The following ITGBL1 variants were observed in gnomAD, a reference collection of about 807,000 sequenced individuals.
ITGBL1 encodes the protein integrin subunit beta like 1.
In ITGBL1, 51 loss-of-function variants were observed where a neutral mutation model predicts 68.5. The observed-to-expected ratio is 0.74, with a 90% CI of 0.59 to 0.94. The LOEUF (loss-of-function observed/expected upper bound fraction) is 0.94, where lower values mean the gene tolerates loss of function less well. ITGBL1 is among the 40% of genes least tolerant of loss of function. The pLI is 0.00. For missense variants in ITGBL1, 649 were observed against 647.4 expected (o/e 1.00, Z -0.03); for synonymous variants, 209 against 227.3 (o/e 0.92, Z 0.72).
chr13:101,470,175 C>T (rs1187891124), intron 2 of ITGBL1, among the ~76,000 whole-genome samples: 3 of 152,116 alleles, frequency 2.0e-5, no homozygotes, highest in African/African-American at 4.8e-5. Context: ...CAGTTGACTG[C>T]AAAACGAAAT....
intron 6 of ITGBL1, among the ~76,000 whole-genome samples, chr13:101,586,715 G>T (rs2050563373): frequency 6.6e-6 from 1 of 152,146 alleles, no homozygotes; most frequent in Admixed American, 6.5e-5. Context: ...AGGAAGAACT[G>T]TCCTCTGGGT....
rs780623064 is a variant in ITGBL1 at position 101,692,627 on chromosome 13, A to T, written c.1058A>T (p.Asp353Val). 2 of 1,613,874 alleles carry T rather than the reference A, an allele frequency of 1.2e-6. No individual in the cohort carries two copies. The highest frequency in any genetic ancestry group is 1.7e-6 in the Non-Finnish European group (2 of 1,179,846). The change falls in exon 8 of 11, where the codon GAT becomes GTT. Residue 353 changes from aspartate to valine, a missense_variant. Physicochemically the swap from Asp to Val is radical, Grantham distance 152. Transcript: ENST00000376180. ...CGKCTCYPPG[D>V]RRVYGKTCEC... ...AAATGCACCTGCTATCCTCCAGGAGATCGCCGGGTGTATGGCAAGACTTGT... is the reference window on the plus strand; with the variant it reads ...AAATGCACCTGCTATCCTCCAGGAGTTCGCCGGGTGTATGGCAAGACTTGT...
At chr13:101,607,738 A>T (rs557440278) in intron 7 of ITGBL1, among the ~76,000 whole-genome samples, 1 of 152,188 alleles carries the variant, frequency 6.6e-6, no homozygotes, top group Admixed American at 6.6e-5. Context: ...CACTAGTGAC[A>T]ATTTAAATTA....
intron 2 of ITGBL1, among the ~76,000 whole-genome samples, chr13:101,502,804 T>A (rs544197289): frequency 1.3e-5 from 2 of 152,296 alleles, no homozygotes. Flanking sequence ...TAAATTCTCA[T>A]GTGCCTCGTT....
intron 7 of ITGBL1, among the ~76,000 whole-genome samples, chr13:101,684,411 T>A (rs1480702864): frequency 6.6e-6 from 1 of 151,962 alleles, no homozygotes; most frequent in Non-Finnish European, 1.5e-5. Context: ...TTGGTTGTAG[T>A]TACATCGAAT....
intron 9 of ITGBL1, chr13:101,712,495 G>A (rs1052137446): frequency 6.6e-6 from 1 of 152,136 alleles, no homozygotes; most frequent in Non-Finnish European, 1.5e-5. Flanking sequence ...GTTTGAAGAT[G>A]AAATATAAGA....
intron 2 of ITGBL1, among the ~76,000 whole-genome samples, chr13:101,504,665 C>T (rs556441870): frequency 1.6e-3 from 237 of 152,228 alleles, no homozygotes; most frequent in Non-Finnish European, 2.9e-3. Flanking sequence ...AAGTCAGAAA[C>T]GTTGCATGAG....
chr13:101,672,974 C>A, intron 7 of ITGBL1, among the ~76,000 whole-genome samples: 1 of 152,124 alleles, frequency 6.6e-6, no homozygotes, highest in East Asian at 1.9e-4. Context: ...TGAAGCTAGA[C>A]AATTTGATGT....
intron 2 of ITGBL1, among the ~76,000 whole-genome samples, chr13:101,470,319 CT>C (rs1029219349): frequency 5.9e-5 from 9 of 151,646 alleles, no homozygotes; most frequent in African/African-American, 1.9e-4. Context: ...TATTTTATTC[CT>C]TTTTTAATTA....
rs74122631 is a variant in ITGBL1 at position 101,686,733 on chromosome 13, T to C, written c.1016-5852T>C. Reference sequence around the variant, plus strand: ...TAGTGGGCGAGGGTGCTGTGGTCTGTAGGTGAAGTCTGGAAGGGCTTCAGA... The same window carrying C: ...TAGTGGGCGAGGGTGCTGTGGTCTGCAGGTGAAGTCTGGAAGGGCTTCAGA... On this transcript the variant is annotated intron_variant, in intron 7 of 10. Coordinates refer to ENST00000376180, the MANE Select transcript of ITGBL1 (RefSeq NM_004791.3). Among the ~76,000 whole-genome samples the C allele has an allele frequency of 6.3e-3, 959 of 152,134 alleles. 9 individuals are homozygous for C. The highest frequency in any genetic ancestry group is 0.021 in the African/African-American group (881 of 41,520).
chr13:101,588,570 T>C (rs1375116863), intron 6 of ITGBL1, among the ~76,000 whole-genome samples: 1 of 152,138 alleles, frequency 6.6e-6, no homozygotes, highest in East Asian at 1.9e-4. Flanking sequence ...TGATCTTTTT[T>C]TAGTTCTGTC....
intron 7 of ITGBL1, among the ~76,000 whole-genome samples, chr13:101,612,634 G>T (rs1387225978): frequency 6.6e-6 from 1 of 152,064 alleles, no homozygotes; most frequent in East Asian, 1.9e-4. Flanking sequence ...ATATATTCTG[G>T]ATAACTCTAC....
intron 2 of ITGBL1, among the ~76,000 whole-genome samples, chr13:101,539,449 A>C (rs887575077): frequency 7.9e-5 from 12 of 151,792 alleles, no homozygotes; most frequent in Admixed American, 5.3e-4. Flanking sequence ...TTCAGTCTAT[A>C]ATTGTTGGAC....
At chr13:101,560,196 G>A (rs2050076765) in intron 2 of ITGBL1, among the ~76,000 whole-genome samples, 1 of 152,072 alleles carries the variant, frequency 6.6e-6, no homozygotes, top group Non-Finnish European at 1.5e-5. Context: ...CTTATTACTA[G>A]AGAAGGCTTA....
intron 2 of ITGBL1, among the ~76,000 whole-genome samples, chr13:101,505,168 G>GT (rs2049007799): frequency 2.0e-5 from 3 of 152,168 alleles, no homozygotes; most frequent in African/African-American, 7.2e-5. Flanking sequence ...GTATTTGAAT[G>GT]AGATTTCTCT....
In ITGBL1 at chr13:101,452,698, C is replaced by T. The variant is rs182388557; in HGVS notation, c.-136C>T. On this transcript the variant is annotated 5_prime_UTR_variant, in exon 1 of 11. Transcript: ENST00000376180. ...GCAATTGCAACTCCGGCTGGAGCCC[C>T]GGACCTGCAAGCCTGGGTGTCCGTG... 3.5e-5 allele frequency: 24 copies of T among 687,728 alleles called. 1 individual carries two copies. The African/African-American group carries it at 3.5e-4, about 10-fold the overall frequency. 42.6% of individuals were successfully genotyped at this position (687,728 alleles called of 1,614,324 possible).
chr13:101,697,824 T>TA, intron 8 of ITGBL1, among the ~76,000 whole-genome samples: 1 of 152,148 alleles, frequency 6.6e-6, no homozygotes, highest in South Asian at 2.1e-4. Context: ...GTAATAAAAA[T>TA]AAAAGATTGT....
rs1211969584 is a variant in ITGBL1 at position 101,575,456 on chromosome 13, A to AATT, written c.497_499dup (p.Asn166_Ser167insTyr). On this transcript the variant is annotated inframe_insertion, in exon 4 of 11. Coordinates refer to ENST00000376180, the MANE Select transcript of ITGBL1 (RefSeq NM_004791.3). ...TCACTGTGGCAGGTGTAAGTGTGAT[A>AATT]ATTCAGATGGAAGTGGACTTGTGTA... 1 of 1,613,116 alleles carries AATT rather than the reference A, an allele frequency of 6.2e-7. No individual in the cohort carries two copies. Among genetic ancestry groups the AATT allele is most frequent in the African/African-American group, 1.3e-5 (1 of 74,970 alleles).
intron 6 of ITGBL1, among the ~76,000 whole-genome samples, chr13:101,591,808 C>T (rs2139309167): frequency 6.6e-6 from 1 of 152,142 alleles, no homozygotes; most frequent in Middle Eastern, 3.4e-3. Flanking sequence ...ATTTTTGCAG[C>T]AATTATAGAA....
Sources: allele counts gnomAD v4.1 joint callset (sites outside exome capture counted in the v4.1 genomes callset), GRCh38; gene constraint gnomAD v4.1.1; transcripts MANE v1.5; gene names NCBI Gene and HGNC (gene_info 2026-07-23, HGNC 2026-07-21).